The following ADAMTSL1 variants were observed in gnomAD, a reference collection of about 807,000 sequenced individuals.
The protein encoded by ADAMTSL1 is ADAMTS like 1, also known as ADAMTS-like protein 1.
A neutral mutation model predicts 201.8 loss-of-function variants in ADAMTSL1; 126 were observed. The observed-to-expected ratio is 0.62, with a 90% CI of 0.54 to 0.72. The LOEUF (loss-of-function observed/expected upper bound fraction) is 0.72, where lower values mean the gene tolerates loss of function less well. Ranked by LOEUF, ADAMTSL1 falls within the 30% of genes least tolerant of loss-of-function variation. ADAMTSL1 has a pLI of 0.00. For missense variants in ADAMTSL1, 2,679 were observed against 2,277.8 expected, an observed-to-expected ratio of 1.18 and a Z score of -3.59; for synonymous variants, 1,121 against 903.4, an observed-to-expected ratio of 1.24 and a Z score of -4.32.
chr9:18,357,495 T>G (rs1836305081), intron 2 of ADAMTSL1, among the ~76,000 whole-genome samples: 1 of 152,130 alleles, frequency 6.6e-6, no homozygotes, highest in South Asian at 2.1e-4. Flanking sequence ...AGAGGAATAC[T>G]TCAAATGCTT....
chr9:18,144,536 T>G (rs2132019344), intron 1 of ADAMTSL1, among the ~76,000 whole-genome samples: 1 of 152,252 alleles, frequency 6.6e-6, no homozygotes, highest in Middle Eastern at 3.4e-3. Flanking sequence ...ATGGCTAAAC[T>G]TACACATATG....
At chr9:18,207,120 C>G (rs1829682507) in intron 2 of ADAMTSL1, among the ~76,000 whole-genome samples, 1 of 151,632 alleles carries the variant, frequency 6.6e-6, no homozygotes, top group Non-Finnish European at 1.5e-5. Flanking sequence ...AGCTGAGATC[C>G]CACCATTGTA....
intron 23 of ADAMTSL1, among the ~76,000 whole-genome samples, chr9:18,849,207 G>T (rs550851289): frequency 6.6e-6 from 1 of 152,334 alleles, no homozygotes; most frequent in South Asian, 2.1e-4. Context: ...ACAGGACTAG[G>T]TGGCAGGGCC....
intron 4 of ADAMTSL1, among the ~76,000 whole-genome samples, chr9:18,593,385 T>C (rs1383440774): frequency 1.3e-5 from 2 of 152,128 alleles, no homozygotes; most frequent in African/African-American, 2.4e-5. Context: ...TTTATATTGT[T>C]TTCCTCATTT....
At chr9:18,786,865 T>C (rs1335610101) in intron 19 of ADAMTSL1, among the ~76,000 whole-genome samples, 2 of 152,226 alleles carry the variant, frequency 1.3e-5, no homozygotes, top group Non-Finnish European at 2.9e-5. Flanking sequence ...TAAATGATTA[T>C]ATTTCCCAGA....
chr9:18,847,063 T>C (rs984958114), intron 23 of ADAMTSL1, among the ~76,000 whole-genome samples: 20 of 152,354 alleles, frequency 1.3e-4, no homozygotes, highest in African/African-American at 4.8e-4. Context: ...GCTCATTTCC[T>C]TAACATCTAC....
chr9:18,536,991 G>A (rs141034569), intron 3 of ADAMTSL1, among the ~76,000 whole-genome samples: 109 of 152,234 alleles, frequency 7.2e-4, no homozygotes, highest in African/African-American at 2.5e-3. Flanking sequence ...ACCATAATTA[G>A]CAACATAATA....
chr9:18,302,348 T>C (rs10963563), intron 2 of ADAMTSL1, among the ~76,000 whole-genome samples: 23,045 of 152,108 alleles, frequency 0.15, 2,307 homozygotes, highest in African/African-American at 0.27. Flanking sequence ...TGTCTAGAGG[T>C]ATCACCACAC....
At chr9:18,761,045 TCAG>T (rs1207388537) in intron 16 of ADAMTSL1, among the ~76,000 whole-genome samples, 3 of 152,206 alleles carry the variant, frequency 2.0e-5, no homozygotes, top group African/African-American at 7.2e-5. Flanking sequence ...TGCCTAGCAC[TCAG>T]TGGGTACTCA....
intron 1 of ADAMTSL1, among the ~76,000 whole-genome samples, chr9:17,999,067 T>A (rs1034592761): frequency 1.3e-5 from 2 of 152,076 alleles, no homozygotes; most frequent in African/African-American, 4.8e-5. Context: ...ATAGCCTCTT[T>A]ATTGTCTATG....
chr9:17,934,165 C>A (rs1826909208), intron 1 of ADAMTSL1, among the ~76,000 whole-genome samples: 2 of 152,178 alleles, frequency 1.3e-5, no homozygotes, highest in African/African-American at 2.4e-5. Flanking sequence ...TATGTGGTGT[C>A]CAAAGTGGGA....
intron 16 of ADAMTSL1, among the ~76,000 whole-genome samples, chr9:18,767,195 G>C (rs768318365): frequency 5.9e-4 from 90 of 152,278 alleles, no homozygotes; most frequent in Middle Eastern, 3.4e-3. Context: ...CATTTAAGTG[G>C]ACATGTTGAG....
intron 19 of ADAMTSL1, 59 bp downstream of exon 19, chr9:18,777,965 G>C (rs1442359326): frequency 1.3e-6 from 2 of 1,508,454 alleles, no homozygotes; most frequent in Non-Finnish European, 1.8e-6. Context: ...TCTGGCCCAA[G>C]TCACACTACT....
intron 2 of ADAMTSL1, among the ~76,000 whole-genome samples, chr9:18,523,239 C>T (rs1564016504): frequency 2.6e-5 from 4 of 152,168 alleles, no homozygotes; most frequent in African/African-American, 9.7e-5. Context: ...TAAATGTCTT[C>T]TTTTGAGAAG....
chr9:18,721,396 C>A, intron 14 of ADAMTSL1, 140 bp from the exon 15 acceptor site: 3 of 1,229,816 alleles, frequency 2.4e-6, no homozygotes, highest in Non-Finnish European at 2.3e-6. Flanking sequence ...CAGTCCTGGG[C>A]TTTAAACTGC....
chr9:18,310,390 A>AC (rs1834093546), intron 2 of ADAMTSL1, among the ~76,000 whole-genome samples: 2 of 146,058 alleles, frequency 1.4e-5, no homozygotes, highest in South Asian at 2.2e-4. Context: ...AAAAAAAAAA[A>AC]AAAAAAAAAC....
At chr9:18,529,897 A>C (rs982126904) in intron 2 of ADAMTSL1, among the ~76,000 whole-genome samples, 4 of 152,204 alleles carry the variant, frequency 2.6e-5, no homozygotes, top group Non-Finnish European at 5.9e-5. Context: ...AATTATGACA[A>C]GTGGGTTTTC....
intron 2 of ADAMTSL1, among the ~76,000 whole-genome samples, chr9:18,527,992 C>G (rs1819196671): frequency 6.6e-6 from 1 of 152,136 alleles, no homozygotes; most frequent in African/African-American, 2.4e-5. Flanking sequence ...ATTCTCCTGC[C>G]TCAGCCTCCT....
At chr9:18,157,795 C>G (rs1166015945) in intron 1 of ADAMTSL1, among the ~76,000 whole-genome samples, 2 of 152,022 alleles carry the variant, frequency 1.3e-5, no homozygotes, top group Admixed American at 1.3e-4. Context: ...CCCCCACGAT[C>G]TTCTTGGGGA....
Sources: allele counts gnomAD v4.1 joint callset (sites outside exome capture counted in the v4.1 genomes callset), GRCh38; gene constraint gnomAD v4.1.1; transcripts MANE v1.5; gene names NCBI Gene and HGNC (gene_info 2026-07-23, HGNC 2026-07-21).